CACNA2D3: variants seen among roughly 807,000 people sequenced by gnomAD.
The protein encoded by CACNA2D3 is calcium voltage-gated channel auxiliary subunit alpha2delta 3.
Under a neutral mutation model 160.6 loss-of-function variants are expected in CACNA2D3, and 60 were observed. That is an observed-to-expected ratio of 0.37 (90% confidence interval 0.30 to 0.46). CACNA2D3 has a LOEUF of 0.46. Among genes scored for constraint, CACNA2D3 ranks in the 20% least tolerant of loss-of-function variants. The probability of loss-of-function intolerance (pLI) is 1.00; values close to 1 mark genes in which losing one functional copy is unlikely to be tolerated. For missense variants in CACNA2D3, 1,205 were observed against 1,365.0 expected, an observed-to-expected ratio of 0.88 and a Z score of 1.85; for synonymous variants, 558 against 492.9, an observed-to-expected ratio of 1.13 and a Z score of -1.75.
intron 2 of CACNA2D3, among the ~76,000 whole-genome samples, chr3:54,168,809 C>T (rs1308910610): frequency 6.6e-6 from 1 of 152,162 alleles, no homozygotes; most frequent in African/African-American, 2.4e-5. Flanking sequence ...CTCAGCCAAG[C>T]CAATTTGCAG....
chr3:54,229,568 C>T (rs1238768638), intron 2 of CACNA2D3, among the ~76,000 whole-genome samples: 1 of 152,180 alleles, frequency 6.6e-6, no homozygotes, highest in East Asian at 1.9e-4. Context: ...CTCCTGGCCT[C>T]AGGTGATCCT....
At chr3:54,720,545 G>A (rs886249460) in intron 11 of CACNA2D3, among the ~76,000 whole-genome samples, 48 of 151,788 alleles carry the variant, frequency 3.2e-4, no homozygotes, top group African/African-American at 1.1e-3. Context: ...TGATCCTTGA[G>A]CACTTGTAAA....
At chr3:54,447,875 G>T (rs570908442) in intron 4 of CACNA2D3, among the ~76,000 whole-genome samples, 15 of 152,246 alleles carry the variant, frequency 9.9e-5, no homozygotes, top group Admixed American at 7.2e-4. Context: ...CTTGGTAATG[G>T]ATTTATGTTC....
intron 4 of CACNA2D3, among the ~76,000 whole-genome samples, chr3:54,497,145 A>G (rs1701215079): frequency 6.6e-6 from 1 of 152,044 alleles, no homozygotes; most frequent in Non-Finnish European, 1.5e-5. Context: ...TTATATTAAA[A>G]ATGCTTATAT....
At chr3:54,293,120 T>C (rs990002192) in intron 2 of CACNA2D3, among the ~76,000 whole-genome samples, 5 of 152,298 alleles carry the variant, frequency 3.3e-5, no homozygotes, top group African/African-American at 9.6e-5. Context: ...GTACCTGGAA[T>C]AGGCGAATTC....
intron 2 of CACNA2D3, among the ~76,000 whole-genome samples, chr3:54,135,734 C>T (rs1251790660): frequency 6.6e-6 from 1 of 152,208 alleles, no homozygotes; most frequent in African/African-American, 2.4e-5. Flanking sequence ...CACATTCCTC[C>T]TGAGCCTGAC....
chr3:54,562,791 T>A lies in CACNA2D3; in HGVS notation c.545-9T>A. 6.2e-7 allele frequency: 1 copy of A among 1,610,410 alleles called. No homozygotes were observed. The highest frequency in any genetic ancestry group is 8.5e-7 in the Non-Finnish European group (1 of 1,177,322). ...AATACACCCCTCTCTCTCTCTTTCT[T>A]TTTTACAGACCCTGCAATTGTCAAT... On this transcript the variant is annotated splice_polypyrimidine_tract_variant and intron_variant, in intron 5 of 37. Coordinates refer to ENST00000474759, the MANE Select transcript of CACNA2D3 (RefSeq NM_018398.3).
In CACNA2D3 at chr3:54,871,638, T is replaced by A. The variant is rs1699536724; in HGVS notation, c.1710+16T>A. 1 of 1,593,922 alleles carries A rather than the reference T, an allele frequency of 6.3e-7. No homozygotes were observed. Among genetic ancestry groups the A allele is most frequent in the African/African-American group, 1.3e-5 (1 of 74,526 alleles). ...AGATGACGTGGTAAGTGATTTGTTT[T>A]CAGGCCTCGTGGAGAAGGACCTGCA... On this transcript the variant is annotated intron_variant, in intron 18 of 37. Coordinates refer to ENST00000474759, the MANE Select transcript of CACNA2D3 (RefSeq NM_018398.3).
chr3:54,723,184 C>T (rs533609347), intron 11 of CACNA2D3, among the ~76,000 whole-genome samples: 4 of 152,348 alleles, frequency 2.6e-5, no homozygotes, highest in Non-Finnish European at 4.4e-5. Context: ...GCTTTGTTTA[C>T]ACTGTGAGTG....
chr3:54,919,464 C>T (rs1409114873), intron 27 of CACNA2D3, among the ~76,000 whole-genome samples: 4 of 152,156 alleles, frequency 2.6e-5, no homozygotes, highest in South Asian at 2.1e-4. Flanking sequence ...TCCTGGAATT[C>T]GGTACCATGA....
chr3:54,490,785 G>T (rs1418514460), intron 4 of CACNA2D3, among the ~76,000 whole-genome samples: 1 of 152,186 alleles, frequency 6.6e-6, no homozygotes, highest in Non-Finnish European at 1.5e-5. Context: ...TCCCCCATGG[G>T]GAGAAGAGTT....
chr3:54,227,585 C>T (rs746708462), intron 2 of CACNA2D3, among the ~76,000 whole-genome samples: 12 of 152,060 alleles, frequency 7.9e-5, no homozygotes, highest in African/African-American at 1.9e-4. Flanking sequence ...GGCAGAGTCT[C>T]GCTCTGTCGC....
intron 3 of CACNA2D3, among the ~76,000 whole-genome samples, chr3:54,339,446 ATGTTGTCT>A (rs1479427250): frequency 1.3e-5 from 2 of 151,802 alleles, no homozygotes; most frequent in African/African-American, 4.8e-5. Flanking sequence ...ATTTTCTCTC[ATGTTGTCT>A]TGTTTATACC....
chr3:54,858,175 T>A (rs1699212448), intron 17 of CACNA2D3, among the ~76,000 whole-genome samples: 1 of 152,034 alleles, frequency 6.6e-6, no homozygotes, highest in Non-Finnish European at 1.5e-5. Flanking sequence ...TCTTAAAAAT[T>A]CCTGTAGATT....
intron 5 of CACNA2D3, among the ~76,000 whole-genome samples, chr3:54,537,980 T>C (rs1701914982): frequency 6.6e-6 from 1 of 152,178 alleles, no homozygotes; most frequent in African/African-American, 2.4e-5. Flanking sequence ...ACTGGGACCC[T>C]GGCTGTGTGC....
intron 2 of CACNA2D3, among the ~76,000 whole-genome samples, chr3:54,152,793 T>G (rs527882696): frequency 2.6e-5 from 4 of 152,346 alleles, no homozygotes; most frequent in Admixed American, 1.3e-4. Context: ...AATTTGTATT[T>G]AAGTGTGAGA....
intron 11 of CACNA2D3, among the ~76,000 whole-genome samples, chr3:54,718,017 T>C (rs1218378209): frequency 1.3e-5 from 2 of 152,252 alleles, no homozygotes; most frequent in African/African-American, 4.8e-5. Flanking sequence ...TTTATTTGTA[T>C]ATTGGCTATG....
At chr3:54,337,075 C>CATAG (rs941185638) in intron 3 of CACNA2D3, among the ~76,000 whole-genome samples, 17 of 151,916 alleles carry the variant, frequency 1.1e-4, no homozygotes, top group African/African-American at 3.9e-4. Context: ...TAGAACGAGA[C>CATAG]ATAGACAGAC....
intron 6 of CACNA2D3, 110 bp downstream of exon 6, chr3:54,563,041 A>G (rs1702352025): frequency 9.5e-7 from 1 of 1,056,188 alleles, no homozygotes; most frequent in Admixed American, 2.6e-5. Flanking sequence ...TTAGAAGAAA[A>G]TGAAAGATGA....
Sources: gnomAD v4.1 joint callset for allele counts (sites outside exome capture counted in the v4.1 genomes callset) on GRCh38, gnomAD v4.1.1 for gene constraint, MANE v1.5 for transcripts, NCBI Gene and HGNC (gene_info 2026-07-23, HGNC 2026-07-21) for gene names.